ATRX: variants seen among roughly 807,000 people sequenced by gnomAD.
The protein encoded by ATRX is chromatin remodeler ATRX.
A neutral mutation model predicts 172.6 loss-of-function variants in ATRX; 12 were observed. That is an observed-to-expected ratio of 0.07 (90% confidence interval 0.04 to 0.11). ATRX has a LOEUF of 0.11. ATRX is among the 10% of genes least tolerant of loss of function. The probability of loss-of-function intolerance (pLI) is 1.00; values close to 1 mark genes in which losing one functional copy is unlikely to be tolerated. For synonymous variants in ATRX, 674 were observed against 594.7 expected (o/e 1.13, Z -1.94); for missense variants, 1,368 against 1,767.4 (o/e 0.77, Z 4.05).
chrX:77,622,742 C>A (rs1425581839), intron 19 of ATRX, among the ~76,000 whole-genome samples: 1 of 110,871 alleles, frequency 9.0e-6, no homozygotes, highest in Non-Finnish European at 1.9e-5. Context: ...GTTTTCAAGC[C>A]AGACTCAAAC....
At chrX:77,664,216 C>A (rs2070100209) in intron 11 of ATRX, among the ~76,000 whole-genome samples, 1 of 111,941 alleles carries the variant, frequency 8.9e-6, no homozygotes, top group East Asian at 2.8e-4. Flanking sequence ...TTAAACATTT[C>A]CATGAACTCT....
At chrX:77,739,787 T>A (rs1233400158) in intron 1 of ATRX, among the ~76,000 whole-genome samples, 1 of 109,637 alleles carries the variant, frequency 9.1e-6, no homozygotes, top group Non-Finnish European at 1.9e-5. Context: ...AGGTGGCTCA[T>A]ACTTGTAATC....
chrX:77,657,836 A>G (rs2069635221), intron 12 of ATRX, among the ~76,000 whole-genome samples: 1 of 111,940 alleles, frequency 8.9e-6, no homozygotes, highest in African/African-American at 3.2e-5. Context: ...TAGAAAAATA[A>G]TATTTTCTTC....
chrX:77,612,206 CTG>C (rs1250803384), intron 22 of ATRX, among the ~76,000 whole-genome samples: 1 of 110,977 alleles, frequency 9.0e-6, no homozygotes, highest in African/African-American at 3.3e-5. Flanking sequence ...GCTCATAAAA[CTG>C]TAGATGCATC....
At chrX:77,765,300 C>G (rs192156865) in intron 1 of ATRX, among the ~76,000 whole-genome samples, 1 of 112,197 alleles carries the variant, frequency 8.9e-6, no homozygotes, top group African/African-American at 3.2e-5. Context: ...CTCTGAAGCA[C>G]GGGAACAATA....
chrX:77,703,000 T>G (rs1411172587), intron 2 of ATRX, among the ~76,000 whole-genome samples: 1 of 112,529 alleles, frequency 8.9e-6, no homozygotes, highest in East Asian at 2.8e-4. Context: ...GTGCTGGAAT[T>G]ACAGGCATAA....
intron 15 of ATRX, among the ~76,000 whole-genome samples, chrX:77,648,481 G>A (rs1177421705): frequency 9.0e-6 from 1 of 110,814 alleles, no homozygotes; most frequent in African/African-American, 3.3e-5. Flanking sequence ...CGTTAAAGAA[G>A]ATCCAAAATC....
chrX:77,757,724 T>G (rs1557190908), intron 1 of ATRX, among the ~76,000 whole-genome samples: 1 of 106,537 alleles, frequency 9.4e-6, no homozygotes, highest in Non-Finnish European at 1.9e-5. Flanking sequence ...CAGGCTGGAG[T>G]GCAGTGGCAC....
At chrX:77,525,213 G>A (rs1267185745) in intron 30 of ATRX, among the ~76,000 whole-genome samples, 9 of 111,926 alleles carry the variant, frequency 8.0e-5, no homozygotes, top group Non-Finnish European at 1.1e-4. Flanking sequence ...ACTTGCTATC[G>A]AAGCTGACTT....
intron 34 of ATRX, 74 bp downstream of exon 34, chrX:77,520,714 A>G: frequency 1.9e-6 from 2 of 1,059,604 alleles, no homozygotes; most frequent in Middle Eastern, 6.3e-4. Flanking sequence ...ACTGACGTAG[A>G]TGTCATACAA....
intron 2 of ATRX, among the ~76,000 whole-genome samples, chrX:77,709,087 G>A (rs1254897391): frequency 9.0e-6 from 1 of 111,216 alleles, no homozygotes; most frequent in African/African-American, 3.3e-5. Flanking sequence ...TGTGCCTGTA[G>A]TCTTGGCTAC....
chrX:77,784,780 C>T (rs1246541648), intron 1 of ATRX, among the ~76,000 whole-genome samples: 1 of 111,931 alleles, frequency 8.9e-6, no homozygotes, highest in African/African-American at 3.2e-5. Flanking sequence ...GTATCATAGG[C>T]TCATTGCCCA....
intron 1 of ATRX, among the ~76,000 whole-genome samples, chrX:77,746,197 G>A (rs1279286868): frequency 9.0e-6 from 1 of 110,698 alleles, no homozygotes; most frequent in East Asian, 2.8e-4. Context: ...TGAATACAAT[G>A]TGTGTTATTT....
intron 19 of ATRX, among the ~76,000 whole-genome samples, chrX:77,631,119 G>C (rs782396050): frequency 1.2e-4 from 13 of 105,666 alleles, no homozygotes; most frequent in African/African-American, 4.5e-4. Flanking sequence ...AGTGCTCAAA[G>C]CCAAAAGGAT....
chrX:77,781,042 G>A (rs1331455963), intron 1 of ATRX, among the ~76,000 whole-genome samples: 1 of 111,497 alleles, frequency 9.0e-6, no homozygotes, highest in African/African-American at 3.3e-5. Context: ...ATACAATCAA[G>A]CAACAGAGCT....
intron 30 of ATRX, among the ~76,000 whole-genome samples, chrX:77,525,051 G>A (rs1557043182): frequency 8.9e-6 from 1 of 111,740 alleles, no homozygotes; most frequent in Non-Finnish European, 1.9e-5. Context: ...AGATGTATGT[G>A]TGTGCTATTT....
intron 27 of ATRX, among the ~76,000 whole-genome samples, chrX:77,584,970 T>A (rs1004153111): frequency 3.6e-5 from 4 of 111,270 alleles, no homozygotes; most frequent in Non-Finnish European, 5.7e-5. Flanking sequence ...GGAAAAAAAA[T>A]TTAATAATCT....
At chrX:77,657,400 A>G (rs1158486990) in intron 12 of ATRX, among the ~76,000 whole-genome samples, 3 of 111,460 alleles carry the variant, frequency 2.7e-5, no homozygotes, top group Non-Finnish European at 5.6e-5. Flanking sequence ...CAGAGGAAGC[A>G]GGGCAGAAAA....
intron 18 of ATRX, 84 bp from the exon 19 acceptor site, chrX:77,633,468 G>A: frequency 9.0e-7 from 1 of 1,112,350 alleles, no homozygotes; most frequent in Non-Finnish European, 1.2e-6. Flanking sequence ...ATGCATCACT[G>A]GTTAAAAAAC....
Sources: gnomAD v4.1 joint callset for allele counts (sites outside exome capture counted in the v4.1 genomes callset) on GRCh38, gnomAD v4.1.1 for gene constraint, MANE v1.5 for transcripts, NCBI Gene and HGNC (gene_info 2026-07-23, HGNC 2026-07-21) for gene names.